Variants in SPAAR observed in about 807,000 individuals in gnomAD.
The protein encoded by SPAAR is long intergenic non-protein coding RNA 961.
For synonymous variants in SPAAR, 27 were observed against 15.9 expected (o/e 1.70, Z -1.66); for missense variants, 59 against 39.9 (o/e 1.48, Z -1.29).
rs544905130 is a variant in SPAAR, at chr9:35,909,736, G to A, written c.-308+172G>A. On this transcript the variant is annotated intron_variant, in intron 1 of 1. Transcript: ENST00000443779. ...GGTCATGGACAGGGCAGGGATTCCC[G>A]GGGAAGCACCTGATACTCTATCTAA... Among the ~76,000 whole-genome samples the A allele has an allele frequency of 4.9e-4, 74 of 152,310 alleles. 1 individual carries two copies. The highest frequency in any genetic ancestry group is 4.5e-3 in the Admixed American group (69 of 15,306).
At chr9:35,909,830 T>C (rs1307189518) in intron 1 of SPAAR, among the ~76,000 whole-genome samples, 1 of 152,086 alleles carries the variant, frequency 6.6e-6, no homozygotes, top group Non-Finnish European at 1.5e-5. Flanking sequence ...CAGCCCCCAC[T>C]AAAGGCCCTG....
chr9:35,910,495 T>A lies in SPAAR; in HGVS notation c.32T>A (p.Val11Glu). The A allele has an allele frequency of 1.4e-6, 1 of 702,970 alleles. No homozygotes were observed. Among genetic ancestry groups the A allele is most frequent in the South Asian group, 1.5e-5 (1 of 67,590 alleles). 43.5% of individuals were successfully genotyped at this position (702,970 alleles called of 1,614,324 possible). A position where few individuals can be genotyped will look rare whatever the true frequency, so the allele number is the denominator to read the frequency against. Residue 11 changes from valine to glutamate, a missense_variant, in exon 2 of 2, where the codon GTG (valine) becomes GAG (glutamate). Coordinates refer to ENST00000443779, the MANE Select transcript of SPAAR (RefSeq NM_001348107.3). METAVIGVVVVLFVVTVAITC... is the reference protein window; with the variant it reads METAVIGVVVELFVVTVAITC... Reference sequence around the variant, plus strand: ...ACGGCAGTGATTGGGGTGGTGGTGGTGCTGTTCGTGGTGACTGTGGCCATC... The same window carrying A: ...ACGGCAGTGATTGGGGTGGTGGTGGAGCTGTTCGTGGTGACTGTGGCCATC...
Position 35,910,786 on chromosome 9 carries a change from C to T in SPAAR, c.*95C>T, listed in dbSNP as rs570873996. The T allele has an allele frequency of 8.6e-5, 53 of 613,862 alleles. No homozygotes were observed. In the Middle Eastern group the frequency reaches 1.1e-3, roughly 13 times the overall value. The allele number at this position is 613,862 out of a possible 1,614,324, so 38.0% of individuals were successfully genotyped here. A position where few individuals can be genotyped will look rare whatever the true frequency, so the allele number is the denominator to read the frequency against. On this transcript the variant is annotated 3_prime_UTR_variant, in exon 2 of 2. Transcript: ENST00000443779. ...CCTTCCCCTCCTCCCAGGGCCTTCT[C>T]CCTGTCCTTCCCCTCCAGTAACCTG...
rs1419800574 is a variant in SPAAR, at chr9:35,910,494, GT to G, written c.32del (p.Val11GlyfsTer5). 1.4e-6 allele frequency: 1 copy of G among 702,934 alleles called. No individual in the cohort carries two copies. Among genetic ancestry groups the G allele is most frequent in the Non-Finnish European group, 2.6e-6 (1 of 384,996 alleles). 43.5% of individuals were successfully genotyped at this position (702,934 alleles called of 1,614,324 possible). A position where few individuals can be genotyped will look rare whatever the true frequency, so the allele number is the denominator to read the frequency against. ...AACGGCAGTGATTGGGGTGGTGGTG[GT>G]GCTGTTCGTGGTGACTGTGGCCATC... METAVIGVVV[V>X]LFVVTVAITC... On this transcript the variant is annotated frameshift_variant, in exon 2 of 2. Coordinates refer to ENST00000443779, the MANE Select transcript of SPAAR (RefSeq NM_001348107.3). LOFTEE classifies it high-confidence loss of function.
Position 35,910,838 on chromosome 9 carries a change from G to A in SPAAR, c.*147G>A. The A allele has an allele frequency of 1.7e-6, 1 of 602,780 alleles. No homozygotes were observed. Among genetic ancestry groups the A allele is most frequent in the Non-Finnish European group, 2.9e-6 (1 of 339,166 alleles). 37.3% of individuals were successfully genotyped at this position (602,780 alleles called of 1,614,324 possible). On this transcript the variant is annotated 3_prime_UTR_variant, in exon 2 of 2. Coordinates refer to ENST00000443779, the MANE Select transcript of SPAAR (RefSeq NM_001348107.3). ...GAACTTCCCGTCTCCTCCCATTCCA[G>A]CCTTCTGTGCCCTCCAGCCTCAGGG...
chr9:35,910,299 G>GC lies in SPAAR; in HGVS notation c.-162dup, dbSNP rs1340508005. 1 of 609,460 alleles carries GC rather than the reference G, an allele frequency of 1.6e-6. No individual in the cohort carries two copies. Among genetic ancestry groups the GC allele is most frequent in the Non-Finnish European group, 2.9e-6 (1 of 342,602 alleles). The allele number at this position is 609,460 out of a possible 1,614,324, so 37.8% of individuals were successfully genotyped here. ...TTCAGCAGTGGGGCCACGTGGCAGCGCCCGAAGGCCTGGAGCAGGAGCGAC... is the reference window on the plus strand; with the variant it reads ...TTCAGCAGTGGGGCCACGTGGCAGCGCCCCGAAGGCCTGGAGCAGGAGCGAC... On this transcript the variant is annotated 5_prime_UTR_variant, in exon 2 of 2. Transcript: ENST00000443779.
rs776240193 is a variant in SPAAR at position 35,910,642 on chromosome 9, G to A, written c.179G>A (p.Arg60His). The A allele has an allele frequency of 4.3e-6, 3 of 702,670 alleles. No homozygotes were observed. Among genetic ancestry groups the A allele is most frequent in the African/African-American group, 1.7e-5 (1 of 57,356 alleles). 43.5% of individuals were successfully genotyped at this position (702,670 alleles called of 1,614,324 possible). The change falls in exon 2 of 2, where the codon CGC becomes CAC. Residue 60 changes from arginine (R) to histidine (H), a missense_variant. By Grantham distance (29) the Arg-to-His change is conservative. Transcript: ENST00000443779. ...GCTTCTCTCTTCACGGGGCCTGTTC[G>A]CCATGCCCAGCCAGTGCCAAGTGCC... ...QEASLFTGPV[R>H]HAQPVPSAQD...
At position 35,910,715 on chromosome 9, in the gene SPAAR, G is replaced by T; in HGVS notation, c.*24G>T. The T allele has an allele frequency of 3.0e-6, 2 of 670,724 alleles. No individual in the cohort carries two copies. The highest frequency in any genetic ancestry group is 3.3e-5 in the South Asian group (2 of 60,856). 41.5% of individuals were successfully genotyped at this position (670,724 alleles called of 1,614,324 possible). ...GACGCCCGAGTCCCCAGGATTTGCTGTGCTGATGGGTCAGACTCACCCGCT... is the reference window on the plus strand; with the variant it reads ...GACGCCCGAGTCCCCAGGATTTGCTTTGCTGATGGGTCAGACTCACCCGCT... On this transcript the variant is annotated 3_prime_UTR_variant, in exon 2 of 2. Coordinates refer to ENST00000443779, the MANE Select transcript of SPAAR (RefSeq NM_001348107.3).
rs1833158922 is a variant in SPAAR at position 35,910,881 on chromosome 9, A to G, written c.*190A>G. On this transcript the variant is annotated 3_prime_UTR_variant, in exon 2 of 2. Coordinates refer to ENST00000443779, the MANE Select transcript of SPAAR (RefSeq NM_001348107.3). Reference sequence around the variant, plus strand: ...CCTCAGGGATCCTTGTTATTGGGACAGCCCAGCTGGGGTTGACCCACAGGA... The same window carrying G: ...CCTCAGGGATCCTTGTTATTGGGACGGCCCAGCTGGGGTTGACCCACAGGA... 3.4e-5 allele frequency: 20 copies of G among 587,462 alleles called. No individual in the cohort carries two copies. The South Asian group carries it at 4.1e-4, about 12-fold the overall frequency. The allele number at this position is 587,462 out of a possible 1,614,324, so 36.4% of individuals were successfully genotyped here.
At chr9:35,909,785 A>G (rs1833144642) in intron 1 of SPAAR, among the ~76,000 whole-genome samples, 1 of 152,210 alleles carries the variant, frequency 6.6e-6, no homozygotes, top group Admixed American at 6.5e-5. Context: ...AGCGCCATGC[A>G]GAAAAGGACG....
intron 1 of SPAAR, among the ~76,000 whole-genome samples, chr9:35,909,865 C>G (rs1393614329): frequency 6.6e-6 from 1 of 152,178 alleles, no homozygotes; most frequent in Non-Finnish European, 1.5e-5. Flanking sequence ...CCGTGAGTGT[C>G]CCCTGCCTTG....
Position 35,910,512 on chromosome 9 carries a change from G to C in SPAAR, c.49G>C (p.Val17Leu). The C allele has an allele frequency of 1.4e-6, 1 of 703,022 alleles. No homozygotes were observed. The highest frequency in any genetic ancestry group is 2.7e-5 in the East Asian group (1 of 37,274). 43.5% of individuals were successfully genotyped at this position (703,022 alleles called of 1,614,324 possible). Reference sequence around the variant, plus strand: ...GGTGGTGGTGCTGTTCGTGGTGACTGTGGCCATCACCTGCGTCCTCTGCTG... The same window carrying C: ...GGTGGTGGTGCTGTTCGTGGTGACTCTGGCCATCACCTGCGTCCTCTGCTG... ...GVVVVLFVVT[V>L]AITCVLCCFS... The change falls in exon 2 of 2, where the codon GTG (valine) becomes CTG (leucine). Residue 17 changes from valine to leucine, a missense_variant. Physicochemically the swap from Val to Leu is conservative, Grantham distance 32 (BLOSUM62 1). Transcript: ENST00000443779.
chr9:35,910,951 G>GTTT lies in SPAAR; in HGVS notation c.*260_*261insTTT. On this transcript the variant is annotated 3_prime_UTR_variant, in exon 2 of 2. Coordinates refer to ENST00000443779, the MANE Select transcript of SPAAR (RefSeq NM_001348107.3). The stretch of plus-strand genomic sequence containing the variant: ...GAGGAGTGAGTGAACAGACAGCGCC[G>GTTT]GAGTGCACGGTGGGCCGGCTCTGCT... The GTTT allele has an allele frequency of 5.2e-6, 2 of 382,314 alleles. No homozygotes were observed. Among genetic ancestry groups the GTTT allele is most frequent in the Non-Finnish European group, 9.2e-6 (2 of 217,100 alleles). The allele number at this position is 382,314 out of a possible 1,614,324, so 23.7% of individuals were successfully genotyped here. A position where few individuals can be genotyped will look rare whatever the true frequency, so the allele number is the denominator to read the frequency against.
Position 35,910,668 on chromosome 9 carries a change from CA to C in SPAAR, c.206del (p.Gln69ArgfsTer90). 1 of 701,266 alleles carries C rather than the reference CA, an allele frequency of 1.4e-6. No individual in the cohort carries two copies. The highest frequency in any genetic ancestry group is 2.6e-6 in the Non-Finnish European group (1 of 383,962). 43.4% of individuals were successfully genotyped at this position (701,266 alleles called of 1,614,324 possible). A position where few individuals can be genotyped will look rare whatever the true frequency, so the allele number is the denominator to read the frequency against. ...VRHAQPVPSA[Q>X]DFWTFM ...CCATGCCCAGCCAGTGCCAAGTGCC[CA>C]GGACTTCTGGACCTTCATGTGACGC... On this transcript the variant is annotated frameshift_variant, in exon 2 of 2. Transcript: ENST00000443779. LOFTEE classifies it high-confidence loss of function.
rs1412355246 is a variant in SPAAR at position 35,910,514 on chromosome 9, G to A, written c.51G>A (p.Val17=). Residue 17 remains valine (V), a synonymous_variant, in exon 2 of 2, where the codon GTG becomes GTA. Coordinates refer to ENST00000443779, the MANE Select transcript of SPAAR (RefSeq NM_001348107.3). ...TGGTGGTGCTGTTCGTGGTGACTGT[G>A]GCCATCACCTGCGTCCTCTGCTGCT... ...GVVVVLFVVT[V]AITCVLCCFS... 5 of 702,926 alleles carry A rather than the reference G, an allele frequency of 7.1e-6. No homozygotes were observed. The highest frequency in any genetic ancestry group is 1.3e-5 in the Non-Finnish European group (5 of 384,998). The allele number at this position is 702,926 out of a possible 1,614,324, so 43.5% of individuals were successfully genotyped here.
In SPAAR at chr9:35,910,858, T is replaced by G; in HGVS notation, c.*167T>G. 1 of 597,692 alleles carries G rather than the reference T, an allele frequency of 1.7e-6. No homozygotes were observed. The highest frequency in any genetic ancestry group is 3.0e-6 in the Non-Finnish European group (1 of 336,128). The allele number at this position is 597,692 out of a possible 1,614,324, so 37.0% of individuals were successfully genotyped here. The stretch of plus-strand genomic sequence containing the variant: ...TTCCAGCCTTCTGTGCCCTCCAGCC[T>G]CAGGGATCCTTGTTATTGGGACAGC... On this transcript the variant is annotated 3_prime_UTR_variant, in exon 2 of 2. Transcript: ENST00000443779.
intron 1 of SPAAR, 80 bp from the exon 2 acceptor site, chr9:35,910,077 G>A (rs781357428): frequency 9.8e-5 from 23 of 234,852 alleles, no homozygotes; most frequent in South Asian, 3.3e-4. Context: ...ATCTGTAGGC[G>A]TCACCGGAGG....
Position 35,910,971 on chromosome 9 carries a change from T to TAC in SPAAR, c.*280_*281insAC. On this transcript the variant is annotated 3_prime_UTR_variant, in exon 2 of 2. Coordinates refer to ENST00000443779, the MANE Select transcript of SPAAR (RefSeq NM_001348107.3). The stretch of plus-strand genomic sequence containing the variant: ...GCGCCGGAGTGCACGGTGGGCCGGC[T>TAC]CTGCTGATCTACACCAGGAACTGAA... 1 of 224,786 alleles carries TAC rather than the reference T, an allele frequency of 4.4e-6. No homozygotes were observed. The highest frequency in any genetic ancestry group is 8.1e-6 in the Non-Finnish European group (1 of 123,002). 13.9% of individuals were successfully genotyped at this position (224,786 alleles called of 1,614,324 possible). A position where few individuals can be genotyped will look rare whatever the true frequency, so the allele number is the denominator to read the frequency against.
rs1833148356 is a variant in SPAAR, at chr9:35,910,141, C to A, written c.-307-16C>A. 1 of 407,884 alleles carries A rather than the reference C, an allele frequency of 2.5e-6. No individual in the cohort carries two copies. The allele number at this position is 407,884 out of a possible 1,614,324, so 25.3% of individuals were successfully genotyped here. A position where few individuals can be genotyped will look rare whatever the true frequency, so the allele number is the denominator to read the frequency against. On this transcript the variant is annotated splice_polypyrimidine_tract_variant and intron_variant, in intron 1 of 1. Transcript: ENST00000443779. ...AACGTCTTCTGACCCCTCCTCTCCACCTTCTCTGTGTCCAGGGAATCTGTG... is the reference window on the plus strand; with the variant it reads ...AACGTCTTCTGACCCCTCCTCTCCAACTTCTCTGTGTCCAGGGAATCTGTG...
Sources: allele counts gnomAD v4.1 joint callset (sites outside exome capture counted in the v4.1 genomes callset), GRCh38; gene constraint gnomAD v4.1.1; transcripts MANE v1.5; gene names NCBI Gene and HGNC (gene_info 2026-07-23, HGNC 2026-07-21).